Variants in GIPR observed in about 807,000 individuals in gnomAD.
The protein encoded by GIPR is gastric inhibitory polypeptide receptor.
GIPR carries 74 observed loss-of-function variants against 62.2 expected under a neutral mutation model. The ratio of observed to expected loss-of-function variants is 1.19; its 90% confidence interval spans 0.99 to 1.44. The LOEUF (loss-of-function observed/expected upper bound fraction) is 1.44. GIPR is among the 40% of genes most tolerant of loss of function. The probability of loss-of-function intolerance (pLI) is 0.00; values close to 1 mark genes in which losing one functional copy is unlikely to be tolerated. For missense variants in GIPR, 664 were observed against 611.8 expected, an observed-to-expected ratio of 1.09 and a Z score of -0.90; for synonymous variants, 256 against 262.2, an observed-to-expected ratio of 0.98 and a Z score of 0.23.
intron 1 of GIPR, 47 bp from the exon 2 acceptor site, chr19:45,669,429 GT>G: frequency 6.6e-7 from 1 of 1,519,896 alleles, no homozygotes; most frequent in Non-Finnish European, 8.8e-7. Flanking sequence ...TGACGCTGGG[GT>G]TGGAGTAGGA....
At chr19:45,676,859 G>T in intron 7 of GIPR, 90 bp from the exon 8 acceptor site, 1 of 1,152,648 alleles carries the variant, frequency 8.7e-7, no homozygotes, top group Admixed American at 1.7e-5. Flanking sequence ...GATGGCAAGA[G>T]ACGGGGTGGA....
rs757416626 is a variant in GIPR, at chr19:45,682,563, C to CT, written c.*644dup. 0.014 allele frequency: 1,897 copies of CT among 138,284 alleles called. 23 individuals are homozygous for CT. Among genetic ancestry groups the CT allele is most frequent in the East Asian group, 0.023 (111 of 4,798 alleles). 8.6% of individuals were successfully genotyped at this position (138,284 alleles called of 1,614,324 possible). ...TACAGGCGTGAGCCACCGCACCCGGCTTTTTTTTTTTTTTTTAAACGGAGT... is the reference window on the plus strand; with the variant it reads ...TACAGGCGTGAGCCACCGCACCCGGCTTTTTTTTTTTTTTTTTAAACGGAGT... On this transcript the variant is annotated 3_prime_UTR_variant, in exon 14 of 14. Coordinates refer to ENST00000590918, the MANE Select transcript of GIPR (RefSeq NM_000164.4).
Position 45,676,938 on chromosome 19 carries a change from C to A in GIPR, c.634-11C>A, listed in dbSNP as rs1373781997. 3.7e-6 allele frequency: 6 copies of A among 1,613,128 alleles called. No homozygotes were observed. Among genetic ancestry groups the A allele is most frequent in the Non-Finnish European group, 5.1e-6 (6 of 1,179,744 alleles). On this transcript the variant is annotated splice_polypyrimidine_tract_variant and intron_variant, in intron 7 of 13. Coordinates refer to ENST00000590918, the MANE Select transcript of GIPR (RefSeq NM_000164.4). ...GCTGACTACCCCTCTACCGGTCTGG[C>A]CCCTCCCTAGGCCCTCGCTGCCTGC...
chr19:45,681,569 A>G lies in GIPR; in HGVS notation c.1153-35A>G, dbSNP rs202019691. On this transcript the variant is annotated intron_variant, in intron 12 of 13. Transcript: ENST00000590918. ...CGGAGGCGGTTACAGTCCTGCCCCC[A>G]CCAGCGATGTAACCTCCGCGCCTCC... is the stretch of plus-strand genomic sequence containing the variant. 4.6e-5 allele frequency: 73 copies of G among 1,602,046 alleles called. No homozygotes were observed. In the South Asian group the frequency reaches 6.8e-4, roughly 15 times the overall value.
chr19:45,674,649 G>C lies in GIPR; in HGVS notation c.489-33G>C, dbSNP rs979793455. 4 of 1,611,224 alleles carry C rather than the reference G, an allele frequency of 2.5e-6. No individual in the cohort carries two copies. The Admixed American group carries it at 5.0e-5, about 20-fold the overall frequency. On this transcript the variant is annotated intron_variant, in intron 6 of 13. Coordinates refer to ENST00000590918, the MANE Select transcript of GIPR (RefSeq NM_000164.4). ...CTGTGTGGCTGAGGACAGCTCTCCA[G>C]GGGCCCCCACACTGCCTTCCAAATT... is the stretch of plus-strand genomic sequence containing the variant.
intron 9 of GIPR, 119 bp downstream of exon 9, chr19:45,677,502 G>A (rs1392973387): frequency 6.9e-6 from 6 of 870,538 alleles, no homozygotes; most frequent in African/African-American, 6.6e-5. Context: ...GGATACGTGG[G>A]CGGGATCCGA....
intron 5 of GIPR, among the ~76,000 whole-genome samples, 158 bp downstream of exon 5, chr19:45,673,112 C>T (rs1975630220): frequency 6.6e-6 from 1 of 152,126 alleles, no homozygotes; most frequent in Admixed American, 6.6e-5. Flanking sequence ...AGATGTACTG[C>T]CTTCTGTGAT....
intron 8 of GIPR, 101 bp from the exon 9 acceptor site, chr19:45,677,222 C>A: frequency 7.2e-7 from 1 of 1,382,896 alleles, no homozygotes; most frequent in Non-Finnish European, 1.0e-6. Context: ...TCTGCCTTCC[C>A]CACCCCGACA....
Position 45,682,078 on chromosome 19 carries a change from G to C in GIPR, c.*143G>C, listed in dbSNP as rs1029612893. The C allele has an allele frequency of 1.3e-5, 9 of 700,786 alleles. No homozygotes were observed. Among genetic ancestry groups the C allele is most frequent in the Non-Finnish European group, 2.3e-5 (9 of 398,462 alleles). The allele number at this position is 700,786 out of a possible 1,614,324, so 43.4% of individuals were successfully genotyped here. A position where few individuals can be genotyped will look rare whatever the true frequency, so the allele number is the denominator to read the frequency against. On this transcript the variant is annotated 3_prime_UTR_variant, in exon 14 of 14. Coordinates refer to ENST00000590918, the MANE Select transcript of GIPR (RefSeq NM_000164.4). ...CCCTTCTGGAGATGACAACTGAGTG[G>C]GGAAAACAGACCGTGAACACAAAAC...
In GIPR at chr19:45,672,921, A is replaced by G. The variant is rs751979713; in HGVS notation, c.351A>G (p.Gln117=). 8 of 1,611,738 alleles carry G rather than the reference A, an allele frequency of 5.0e-6. No individual in the cohort carries two copies. The East Asian group carries it at 1.8e-4, about 36-fold the overall frequency. The change falls in exon 5 of 14, where the codon CAA becomes CAG. Residue 117 remains glutamine (Q), a synonymous_variant. Transcript: ENST00000590918. ...GGGGACTTTGGAGAGACCATACACAATGTGAGAACCCAGAGAAGAATGAGG... is the reference window on the plus strand; with the variant it reads ...GGGGACTTTGGAGAGACCATACACAGTGTGAGAACCCAGAGAAGAATGAGG... The part of the protein sequence containing the change: ...GQWGLWRDHT[Q]CENPEKNEAF...
rs1417052168 is a variant in GIPR at position 45,682,419 on chromosome 19, G to C, written c.*484G>C. On this transcript the variant is annotated 3_prime_UTR_variant, in exon 14 of 14. Coordinates refer to ENST00000590918, the MANE Select transcript of GIPR (RefSeq NM_000164.4). ...AGGTGCATTGGAGATTCTTAGGAGT[G>C]TCTCTTGGGGGTAATATTTTATTTT... 1 of 160,544 alleles carries C rather than the reference G, an allele frequency of 6.2e-6. No homozygotes were observed. The highest frequency in any genetic ancestry group is 1.4e-5 in the Non-Finnish European group (1 of 73,732). The allele number at this position is 160,544 out of a possible 1,614,324, so 9.9% of individuals were successfully genotyped here.
chr19:45,683,550 C>A lies in GIPR; in HGVS notation c.*1615C>A, dbSNP rs779395988. ...ACTTAAGTTACCGTATGGGTGTTGT[C>A]GAGCATTTTCCCTGGGGTCTGTGGC... On this transcript the variant is annotated 3_prime_UTR_variant, in exon 14 of 14. Coordinates refer to ENST00000590918, the MANE Select transcript of GIPR (RefSeq NM_000164.4). 6.6e-6 allele frequency: 1 copy of A among 152,202 alleles called. No homozygotes were observed. The highest frequency in any genetic ancestry group is 2.4e-5 in the African/African-American group (1 of 41,426). 9.4% of individuals were successfully genotyped at this position (152,202 alleles called of 1,614,324 possible).
chr19:45,680,232 C>T (rs1967155430), intron 12 of GIPR, among the ~76,000 whole-genome samples: 2 of 152,130 alleles, frequency 1.3e-5, no homozygotes, highest in Non-Finnish European at 2.9e-5. Flanking sequence ...CTAGGTGGCA[C>T]GTGCCTGTAA....
Position 45,681,752 on chromosome 19 carries a change from C to G in GIPR, c.1218C>G (p.Gly406=). The G allele has an allele frequency of 6.2e-7, 1 of 1,608,258 alleles. No homozygotes were observed. Among genetic ancestry groups the G allele is most frequent in the Non-Finnish European group, 8.5e-7 (1 of 1,177,276 alleles). ...NKEVQSEIRR[G]WHHCRLRRSL... is the part of the protein sequence containing the mutation. ...AGGTGCAGTCGGAGATCCGCCGTGGCTGGCACCACTGCCGCCTGCGCCGCA... is the reference window on the plus strand; with the variant it reads ...AGGTGCAGTCGGAGATCCGCCGTGGGTGGCACCACTGCCGCCTGCGCCGCA... Residue 406 remains glycine (G), a synonymous_variant, in exon 14 of 14, where the codon GGC becomes GGG. Coordinates refer to ENST00000590918, the MANE Select transcript of GIPR (RefSeq NM_000164.4).
In GIPR at chr19:45,677,954, C is replaced by G. The variant is rs749416566; in HGVS notation, c.973C>G (p.Leu325Val). ...CATTCTTGGCATTCTCCTGTCCAAG[C>G]TGAGGACACGGCAAATGCGCTGCCG... is the stretch of plus-strand genomic sequence containing the variant. Reference protein sequence around the residue: ...IRILGILLSKLRTRQMRCRDY... With the variant: ...IRILGILLSKVRTRQMRCRDY... Residue 325 changes from leucine to valine, a missense_variant, in exon 11 of 14, where the codon CTG becomes GTG. Leu to Val is a conservative substitution (Grantham distance 32). Coordinates refer to ENST00000590918, the MANE Select transcript of GIPR (RefSeq NM_000164.4). The G allele has an allele frequency of 6.2e-7, 1 of 1,613,916 alleles. No individual in the cohort carries two copies. The highest frequency in any genetic ancestry group is 1.3e-5 in the African/African-American group (1 of 74,916).
chr19:45,678,017 G>T, intron 11 of GIPR, 23 bp downstream of exon 11: 1 of 1,612,606 alleles, frequency 6.2e-7, no homozygotes, highest in Non-Finnish European at 8.5e-7. Flanking sequence ...GTTGGGGACC[G>T]AGGGGAAGGG....
Position 45,676,263 on chromosome 19 carries a change from G to A in GIPR, c.634-686G>A, listed in dbSNP as rs556807224. On this transcript the variant is annotated intron_variant, in intron 7 of 13. Transcript: ENST00000590918. ...AGGAGAGTCCATAATGTGGGTACTG[G>A]CAGGGAGTTCAGTTCTTAGAAGGAG... 1.5e-4 allele frequency among the ~76,000 whole-genome samples: 23 copies of A among 151,774 alleles called. No individual in the cohort carries two copies. In the South Asian group the frequency reaches 4.8e-3, roughly 32 times the overall value.
rs1967280137 is a variant in GIPR, at chr19:45,682,136, G to A, written c.*201G>A. ...TCCACACACGCTATGGAATGGTTAT[G>A]AAGGGAAGCGAGAAGGGGGCCTAGG... On this transcript the variant is annotated 3_prime_UTR_variant, in exon 14 of 14. Transcript: ENST00000590918. The A allele has an allele frequency of 3.3e-6, 2 of 605,380 alleles. No individual in the cohort carries two copies. Among genetic ancestry groups the A allele is most frequent in the Admixed American group, 5.9e-5 (2 of 34,044 alleles). 37.5% of individuals were successfully genotyped at this position (605,380 alleles called of 1,614,324 possible). A position where few individuals can be genotyped will look rare whatever the true frequency, so the allele number is the denominator to read the frequency against.
At position 45,682,372 on chromosome 19, in the gene GIPR, A is replaced by G. The variant is rs1227677609; in HGVS notation, c.*437A>G. On this transcript the variant is annotated 3_prime_UTR_variant, in exon 14 of 14. Coordinates refer to ENST00000590918, the MANE Select transcript of GIPR (RefSeq NM_000164.4). Reference sequence around the variant, plus strand: ...GAGAGACAGAGAAGTGGGCAGGGGCACCCAAGTTGGGATTTCATTTCAGGT... The same window carrying G: ...GAGAGACAGAGAAGTGGGCAGGGGCGCCCAAGTTGGGATTTCATTTCAGGT... The G allele has an allele frequency of 1.2e-5, 2 of 172,366 alleles. No individual in the cohort carries two copies. The highest frequency in any genetic ancestry group is 3.6e-4 in the East Asian group (2 of 5,552). The allele number at this position is 172,366 out of a possible 1,614,324, so 10.7% of individuals were successfully genotyped here.
Sources: allele counts gnomAD v4.1 joint callset (sites outside exome capture counted in the v4.1 genomes callset), GRCh38; gene constraint gnomAD v4.1.1; transcripts MANE v1.5; gene names NCBI Gene and HGNC (gene_info 2026-07-23, HGNC 2026-07-21).